The following CRACD variants were observed in gnomAD, a reference collection of about 807,000 sequenced individuals.
CRACD encodes capping protein inhibiting regulator of actin dynamics.
Under a neutral mutation model 106.8 loss-of-function variants are expected in CRACD, and 56 were observed. The observed-to-expected ratio is 0.52, with a 90% CI of 0.42 to 0.66. The LOEUF is 0.66. CRACD is among the 30% of genes least tolerant of loss of function. The pLI, the probability that CRACD is intolerant of heterozygous loss-of-function variation, is 0.00. For missense variants in CRACD, 1,730 were observed against 1,623.2 expected (o/e 1.07, Z -1.13); for synonymous variants, 754 against 670.8 (o/e 1.12, Z -1.92).
At chr4:56,227,751 A>C (rs1359093622) in intron 2 of CRACD, among the ~76,000 whole-genome samples, 1 of 152,174 alleles carries the variant, frequency 6.6e-6, no homozygotes, top group East Asian at 1.9e-4. Context: ...TTAGAGAATC[A>C]CCTGGGTTTT....
chr4:56,132,265 T>C (rs1025899773), intron 1 of CRACD, among the ~76,000 whole-genome samples: 2 of 152,030 alleles, frequency 1.3e-5, no homozygotes, highest in African/African-American at 4.8e-5. Context: ...GTCTCGAACT[T>C]CTGGGGTCAA....
intron 1 of CRACD, among the ~76,000 whole-genome samples, chr4:56,165,498 G>A (rs6849418): frequency 0.82 from 124,266 of 152,168 alleles, 51,391 homozygotes; most frequent in African/African-American, 0.95. Context: ...AACTTACCCA[G>A]GGACACACAG....
intron 2 of CRACD, among the ~76,000 whole-genome samples, chr4:56,184,330 C>T (rs1452857545): frequency 1.3e-5 from 2 of 152,240 alleles, no homozygotes; most frequent in African/African-American, 4.8e-5. Context: ...CTCAGCCTCC[C>T]AAAGTGCTGG....
chr4:56,196,293 A>G (rs768931365), intron 2 of CRACD: 6 of 152,774 alleles, frequency 3.9e-5, no homozygotes, highest in Non-Finnish European at 8.8e-5. Context: ...CCCCCTGCCA[A>G]TTTCATAAGC....
chr4:56,183,741 G>A (rs1485261841), intron 2 of CRACD, among the ~76,000 whole-genome samples: 1 of 152,204 alleles, frequency 6.6e-6, no homozygotes, highest in Non-Finnish European at 1.5e-5. Context: ...TGGTTCGGAG[G>A]TTGGTTGGTG....
chr4:56,067,999 G>C (rs534063095), intron 1 of CRACD, among the ~76,000 whole-genome samples: 1 of 152,090 alleles, frequency 6.6e-6, no homozygotes, highest in African/African-American at 2.4e-5. Context: ...CCTTGCCCTC[G>C]TGGAGCTCAC....
chr4:56,236,356 T>A (rs1345923516), intron 2 of CRACD, among the ~76,000 whole-genome samples: 1 of 152,136 alleles, frequency 6.6e-6, no homozygotes, highest in Admixed American at 6.5e-5. Flanking sequence ...ATCTCAGACT[T>A]CCCCTCTAAG....
intron 4 of CRACD, among the ~76,000 whole-genome samples, chr4:56,303,142 C>T (rs1430218102): frequency 1.3e-5 from 2 of 152,102 alleles, no homozygotes; most frequent in Non-Finnish European, 2.9e-5. Context: ...GCCAGGAGTT[C>T]AAGACCAGCC....
At chr4:56,216,131 C>G (rs1006461192) in intron 2 of CRACD, 2 of 152,162 alleles carry the variant, frequency 1.3e-5, no homozygotes, top group Admixed American at 1.3e-4. Flanking sequence ...AATGCGTTGC[C>G]ACCAGATGAT....
At chr4:56,245,421 AAACTAAACAACAATAACCG>A (rs1740627368) in intron 2 of CRACD, among the ~76,000 whole-genome samples, 1 of 152,228 alleles carries the variant, frequency 6.6e-6, no homozygotes, top group Non-Finnish European at 1.5e-5. Context: ...CAAAAAAACA[AAACTAAACAACAATAACCG>A]AAAGCAAACA....
At chr4:56,122,735 T>C (rs1290840512) in intron 1 of CRACD, among the ~76,000 whole-genome samples, 1 of 152,188 alleles carries the variant, frequency 6.6e-6, no homozygotes, top group Middle Eastern at 3.2e-3. Flanking sequence ...GTGCTTTAGC[T>C]TTATTATATT....
chr4:56,293,719 C>G (rs1743828097), intron 3 of CRACD, among the ~76,000 whole-genome samples: 1 of 152,240 alleles, frequency 6.6e-6, no homozygotes, highest in East Asian at 1.9e-4. Context: ...CAGGATCTTG[C>G]AAGAACTCAC....
At chr4:56,068,403 T>C (rs1161219933) in intron 1 of CRACD, among the ~76,000 whole-genome samples, 2 of 152,134 alleles carry the variant, frequency 1.3e-5, no homozygotes, top group Admixed American at 6.5e-5. Context: ...TCAGACTCTA[T>C]AGGGCCTGGA....
chr4:56,109,807 G>T (rs1037219995), intron 1 of CRACD, among the ~76,000 whole-genome samples: 1 of 151,480 alleles, frequency 6.6e-6, no homozygotes, highest in South Asian at 2.1e-4. Context: ...AAAAAGACAC[G>T]AGATGGAAAA....
intron 1 of CRACD, among the ~76,000 whole-genome samples, chr4:56,095,014 C>G (rs1170804724): frequency 6.6e-6 from 1 of 152,214 alleles, no homozygotes; most frequent in African/African-American, 2.4e-5. Context: ...TACATCCCTT[C>G]CGCCCTACTG....
chr4:56,188,528 A>G (rs1452423619), intron 2 of CRACD, among the ~76,000 whole-genome samples: 1 of 150,772 alleles, frequency 6.6e-6, no homozygotes. Context: ...TTCAACACCA[A>G]CCCAGTTTAT....
At chr4:56,155,432 G>A (rs1443210933) in intron 1 of CRACD, among the ~76,000 whole-genome samples, 1 of 152,244 alleles carries the variant, frequency 6.6e-6, no homozygotes, top group East Asian at 1.9e-4. Flanking sequence ...GTGATATTCT[G>A]GGGATACATG....
At chr4:56,234,600 G>A (rs1739851557) in intron 2 of CRACD, among the ~76,000 whole-genome samples, 1 of 151,968 alleles carries the variant, frequency 6.6e-6, no homozygotes. Context: ...TATTATTTTT[G>A]TAAAAAGAGA....
intron 1 of CRACD, among the ~76,000 whole-genome samples, chr4:56,135,047 C>G (rs999865723): frequency 6.6e-6 from 1 of 151,920 alleles, no homozygotes; most frequent in Non-Finnish European, 1.5e-5. Flanking sequence ...TCTTTGGGAG[C>G]CCGAGGCGGG....
Sources: gnomAD v4.1 joint callset for allele counts (sites outside exome capture counted in the v4.1 genomes callset) on GRCh38, gnomAD v4.1.1 for gene constraint, MANE v1.5 for transcripts, NCBI Gene and HGNC (gene_info 2026-07-23, HGNC 2026-07-21) for gene names.